The following EYS variants were observed in gnomAD, a reference collection of about 807,000 sequenced individuals.
EYS encodes protein eyes shut homolog.
EYS carries 250 observed loss-of-function variants against 282.1 expected under a neutral mutation model. That is an observed-to-expected ratio of 0.89 (90% CI 0.80 to 0.98). The LOEUF (loss-of-function observed/expected upper bound fraction) is 0.98. Ranked by LOEUF, EYS falls within the 50% of genes least tolerant of loss-of-function variation. The pLI, the probability that EYS is intolerant of heterozygous loss-of-function variation, is 0.00. For missense variants in EYS, 4,016 were observed against 3,709.0 expected (o/e 1.08, Z -2.15); for synonymous variants, 1,355 against 1,282.9 (o/e 1.06, Z -1.20).
intron 37 of EYS, among the ~76,000 whole-genome samples, chr6:63,789,682 A>C (rs1393999469): frequency 6.6e-6 from 1 of 152,230 alleles, no homozygotes; most frequent in African/African-American, 2.4e-5. Context: ...ATTGCTAAGA[A>C]TATGTTATCA....
chr6:64,773,152 T>A (rs997808309), intron 22 of EYS, among the ~76,000 whole-genome samples: 1 of 151,702 alleles, frequency 6.6e-6, no homozygotes, highest in African/African-American at 2.4e-5. Flanking sequence ...CCTCAAGTAG[T>A]CCCTGGTGTC....
chr6:63,863,837 G>A (rs1377107788), intron 36 of EYS, among the ~76,000 whole-genome samples: 5 of 151,602 alleles, frequency 3.3e-5, no homozygotes, highest in African/African-American at 9.7e-5. Context: ...CACCATGCCC[G>A]GCTAATTTTT....
At chr6:63,854,498 A>G (rs1205579206) in intron 36 of EYS, among the ~76,000 whole-genome samples, 1 of 152,136 alleles carries the variant, frequency 6.6e-6, no homozygotes, top group Non-Finnish European at 1.5e-5. Flanking sequence ...CAAATACCTA[A>G]TGCAAGTGGG....
chr6:64,091,018 G>A (rs1293224837), intron 31 of EYS, among the ~76,000 whole-genome samples: 14 of 152,054 alleles, frequency 9.2e-5, no homozygotes, highest in Admixed American at 7.9e-4. Context: ...GTTTGGCATC[G>A]AAGACTGTTC....
intron 33 of EYS, among the ~76,000 whole-genome samples, chr6:64,024,893 G>A (rs750918827): frequency 8.5e-5 from 13 of 152,104 alleles, no homozygotes; most frequent in African/African-American, 2.7e-4. Flanking sequence ...GAGGGTCTGC[G>A]GCTTCATTCT....
intron 12 of EYS, among the ~76,000 whole-genome samples, chr6:65,113,946 G>A (rs1310806436): frequency 6.6e-6 from 1 of 151,990 alleles, no homozygotes; most frequent in African/African-American, 2.4e-5. Flanking sequence ...GCTCTGCAAA[G>A]TACTCTTGCT....
At chr6:65,619,151 C>A (rs1330826116) in intron 2 of EYS, among the ~76,000 whole-genome samples, 6 of 151,644 alleles carry the variant, frequency 4.0e-5, no homozygotes, top group Non-Finnish European at 8.8e-5. Context: ...GGCAGTATGG[C>A]CATTTTCACG....
At chr6:65,430,970 T>A (rs747742579) in intron 5 of EYS, among the ~76,000 whole-genome samples, 4 of 152,046 alleles carry the variant, frequency 2.6e-5, no homozygotes, top group Non-Finnish European at 5.9e-5. Context: ...TTGGTGGCCA[T>A]GGGGGAAAAA....
Position 64,066,351 on chromosome 6 carries a change from G to T in EYS, c.6712C>A (p.Pro2238Thr). Residue 2238 changes from proline (P) to threonine (T), a missense_variant, in exon 33 of 43, where the codon CCT (proline) becomes ACT (threonine). Coordinates refer to ENST00000503581, the MANE Select transcript of EYS (RefSeq NM_001142800.2). ...NYSINTNAFTPITIRYTTPVG... is the reference protein window; with the variant it reads ...NYSINTNAFTTITIRYTTPVG... Reference sequence around the variant, plus strand: ...TACAGTACTTACCGTATTGTGATAGGGGTGAATGCATTTGTGTTAATGCTG... The same window carrying T: ...TACAGTACTTACCGTATTGTGATAGTGGTGAATGCATTTGTGTTAATGCTG... 2 of 1,551,300 alleles carry T rather than the reference G, an allele frequency of 1.3e-6. No homozygotes were observed. Among genetic ancestry groups the T allele is most frequent in the South Asian group, 1.2e-5 (1 of 83,802 alleles).
intron 22 of EYS, among the ~76,000 whole-genome samples, chr6:64,771,164 C>T (rs1773512300): frequency 6.6e-6 from 1 of 151,584 alleles, no homozygotes; most frequent in Non-Finnish European, 1.5e-5. Context: ...TATAATTTCT[C>T]AAACTTTTGC....
intron 28 of EYS, among the ~76,000 whole-genome samples, chr6:64,406,412 C>A (rs1016484918): frequency 2.6e-5 from 4 of 152,134 alleles, no homozygotes; most frequent in African/African-American, 9.7e-5. Flanking sequence ...GCAAAGACTT[C>A]ATGACTAAAA....
chr6:64,405,488 C>A (rs1269281539), intron 28 of EYS, among the ~76,000 whole-genome samples: 1 of 152,068 alleles, frequency 6.6e-6, no homozygotes, highest in Non-Finnish European at 1.5e-5. Context: ...GGCAATCAAG[C>A]AAGAGAAATA....
chr6:65,579,830 C>A (rs558931413), intron 2 of EYS, among the ~76,000 whole-genome samples: 3 of 152,154 alleles, frequency 2.0e-5, no homozygotes, highest in African/African-American at 2.4e-5. Flanking sequence ...GTCTGTAGAA[C>A]CTTGTCTCCA....
At chr6:65,440,057 A>C (rs1768250751) in intron 5 of EYS, among the ~76,000 whole-genome samples, 2 of 152,120 alleles carry the variant, frequency 1.3e-5, no homozygotes. Context: ...TAGTGCATAG[A>C]GTTTTCAGAG....
intron 26 of EYS, among the ~76,000 whole-genome samples, chr6:64,562,508 G>GA (rs1014694269): frequency 1.1e-4 from 16 of 151,820 alleles, no homozygotes; most frequent in African/African-American, 1.7e-4. Flanking sequence ...TGCTATTATG[G>GA]AAAAAATTTG....
intron 37 of EYS, among the ~76,000 whole-genome samples, chr6:63,789,692 A>G (rs538372466): frequency 6.6e-6 from 1 of 152,318 alleles, no homozygotes; most frequent in East Asian, 1.9e-4. Context: ...ATATGTTATC[A>G]TTATTCTATT....
At chr6:63,972,299 A>G (rs1482870758) in intron 35 of EYS, among the ~76,000 whole-genome samples, 1 of 152,132 alleles carries the variant, frequency 6.6e-6, no homozygotes, top group African/African-American at 2.4e-5. Context: ...AATGCTTATT[A>G]CTATACTTGA....
rs542341362 is a variant in EYS at position 64,949,724 on chromosome 6, A to G, written c.2260-3810T>C. Among the ~76,000 whole-genome samples, 18 of 152,050 alleles carry G rather than the reference A, an allele frequency of 1.2e-4. No individual in the cohort carries two copies. The East Asian group carries it at 3.5e-3, about 29-fold the overall frequency. Reference sequence around the variant, plus strand: ...GATTTTACAGGGCATATACACCAGGAGATGGGAATCTCGAGGATCATCTTA... The same window carrying G: ...GATTTTACAGGGCATATACACCAGGGGATGGGAATCTCGAGGATCATCTTA... On this transcript the variant is annotated intron_variant, in intron 14 of 42. Coordinates refer to ENST00000503581, the MANE Select transcript of EYS (RefSeq NM_001142800.2).
chr6:63,998,427 C>T (rs1174903951), intron 34 of EYS, among the ~76,000 whole-genome samples: 1 of 152,100 alleles, frequency 6.6e-6, no homozygotes, highest in Non-Finnish European at 1.5e-5. Context: ...TGCATAGTGG[C>T]TGCTTTAATG....
Sources: gnomAD v4.1 joint callset for allele counts (sites outside exome capture counted in the v4.1 genomes callset) on GRCh38, gnomAD v4.1.1 for gene constraint, MANE v1.5 for transcripts, NCBI Gene and HGNC (gene_info 2026-07-23, HGNC 2026-07-21) for gene names.